The following CDH19 variants were observed in gnomAD, a reference collection of about 807,000 sequenced individuals.
The protein encoded by CDH19 is cadherin-19.
CDH19 carries 67 observed loss-of-function variants against 64.2 expected under a neutral mutation model. The observed-to-expected ratio is 1.04, with a 90% CI of 0.86 to 1.28. The LOEUF (loss-of-function observed/expected upper bound fraction) is 1.28. Ranked by LOEUF, CDH19 falls within the 50% of genes most tolerant of loss-of-function variation. CDH19 has a pLI of 0.00. For missense variants in CDH19, 1,030 were observed against 929.0 expected (o/e 1.11, Z -1.41); for synonymous variants, 346 against 319.3 (o/e 1.08, Z -0.89).
At position 66,544,205 on chromosome 18, in the gene CDH19, T is replaced by G; in HGVS notation, c.980A>C (p.Gln327Pro). The change falls in exon 7 of 12, where the codon CAG (glutamine) becomes CCG (proline). Residue 327 changes from glutamine (Q) to proline (P), a missense_variant. Gln to Pro is a moderately conservative substitution (Grantham distance 76). Transcript: ENST00000262150. ...ILKKKVDFEH[Q>P]NHYGIRAKVK... Reference sequence around the variant, plus strand: ...TTTTGCTCTAATACCGTAGTGGTTCTGGTGCTCAAAATCCACTTTCTGCAA... The same window carrying G: ...TTTTGCTCTAATACCGTAGTGGTTCGGGTGCTCAAAATCCACTTTCTGCAA... 6.2e-7 allele frequency: 1 copy of G among 1,613,040 alleles called. No homozygotes were observed. Among genetic ancestry groups the G allele is most frequent in the Non-Finnish European group, 8.5e-7 (1 of 1,179,524 alleles).
At position 66,541,989 on chromosome 18, in the gene CDH19, A is replaced by C. The variant is rs1986904831; in HGVS notation, c.1214+1982T>G. Among the ~76,000 whole-genome samples the C allele has an allele frequency of 2.6e-5, 4 of 152,242 alleles. No homozygotes were observed. The South Asian group carries it at 8.3e-4, about 32-fold the overall frequency. ...TATGCAGTGGTATTACCTATGCATCACAAGCATCATGAATTATAATTTACT... is the reference window on the plus strand; with the variant it reads ...TATGCAGTGGTATTACCTATGCATCCCAAGCATCATGAATTATAATTTACT... On this transcript the variant is annotated intron_variant, in intron 7 of 11. Transcript: ENST00000262150.
chr18:66,549,708 A>C (rs1236789101), intron 5 of CDH19, among the ~76,000 whole-genome samples: 1 of 152,132 alleles, frequency 6.6e-6, no homozygotes, highest in Non-Finnish European at 1.5e-5. Flanking sequence ...TTTATTGAAA[A>C]ATCAAAAGAT....
rs891329473 is a variant in CDH19, at chr18:66,551,131, A to T, written c.738T>A (p.Leu246=). 6.2e-7 allele frequency: 1 copy of T among 1,605,946 alleles called. No individual in the cohort carries two copies. Among genetic ancestry groups the T allele is most frequent in the African/African-American group, 1.3e-5 (1 of 74,732 alleles). ...TAGGCTTATTGTCATTAACATCTGAAAGTTTAATTAATACACTTGTTGTTC... is the reference window on the plus strand; with the variant it reads ...TAGGCTTATTGTCATTAACATCTGATAGTTTAATTAATACACTTGTTGTTC... ...LSGTTSVLIK[L]SDVNDNKPIF... Residue 246 remains leucine, a synonymous_variant, in exon 5 of 12, where the codon CTT becomes CTA. Coordinates refer to ENST00000262150, the MANE Select transcript of CDH19 (RefSeq NM_021153.4).
intron 1 of CDH19, among the ~76,000 whole-genome samples, chr18:66,598,497 C>T (rs1041438396): frequency 5.9e-5 from 9 of 152,200 alleles, no homozygotes; most frequent in Non-Finnish European, 7.4e-5. Flanking sequence ...CAATGGAATA[C>T]TATACAGCCA....
chr18:66,527,309 T>A (rs1165296259), intron 9 of CDH19, among the ~76,000 whole-genome samples: 3 of 152,048 alleles, frequency 2.0e-5, no homozygotes, highest in African/African-American at 7.2e-5. Flanking sequence ...CCAGGTTGCA[T>A]GTGAAATATA....
chr18:66,509,463 A>T (rs1212164956), intron 10 of CDH19, among the ~76,000 whole-genome samples: 1 of 151,878 alleles, frequency 6.6e-6, no homozygotes, highest in African/African-American at 2.4e-5. Flanking sequence ...CAGATGAATT[A>T]TTTAAATTAT....
chr18:66,543,871 A>G, intron 7 of CDH19, 100 bp downstream of exon 7: 1 of 858,936 alleles, frequency 1.2e-6, no homozygotes, highest in Non-Finnish European at 1.7e-6. Flanking sequence ...AGACAGAGTG[A>G]GACTCCCTCT....
chr18:66,523,830 T>C (rs1312399792), intron 9 of CDH19, among the ~76,000 whole-genome samples: 2 of 143,946 alleles, frequency 1.4e-5, no homozygotes, highest in Non-Finnish European at 3.0e-5. Context: ...AGTCTTCTCC[T>C]GCAATGTTCA....
At chr18:66,567,675 G>A (rs1213702152) in intron 3 of CDH19, among the ~76,000 whole-genome samples, 1 of 151,762 alleles carries the variant, frequency 6.6e-6, no homozygotes, top group African/African-American at 2.4e-5. Flanking sequence ...AATTTAAAAT[G>A]GCCATTATCA....
chr18:66,581,094 A>G (rs964729452), intron 1 of CDH19, among the ~76,000 whole-genome samples: 1 of 152,126 alleles, frequency 6.6e-6, no homozygotes, highest in Non-Finnish European at 1.5e-5. Context: ...AATATGCTAA[A>G]AAATCTACCT....
chr18:66,587,846 C>T (rs1391551960), intron 1 of CDH19, among the ~76,000 whole-genome samples: 2 of 151,984 alleles, frequency 1.3e-5, no homozygotes, highest in South Asian at 2.1e-4. Flanking sequence ...CCTAGCTCCC[C>T]GACTAACAAA....
chr18:66,543,552 A>G (rs1986977093), intron 7 of CDH19, among the ~76,000 whole-genome samples: 1 of 152,136 alleles, frequency 6.6e-6, no homozygotes, highest in Non-Finnish European at 1.5e-5. Context: ...AAATTAATTA[A>G]GACATACAGA....
chr18:66,534,918 G>T, intron 8 of CDH19, 68 bp downstream of exon 8: 1 of 1,072,280 alleles, frequency 9.3e-7, no homozygotes, highest in Non-Finnish European at 1.3e-6. Flanking sequence ...TTGTCCCCAT[G>T]TATAGAAATT....
intron 7 of CDH19, among the ~76,000 whole-genome samples, chr18:66,541,716 T>C (rs1986893656): frequency 6.6e-6 from 1 of 152,096 alleles, no homozygotes; most frequent in African/African-American, 2.4e-5. Context: ...AGAACATCTG[T>C]CAAATCATTA....
chr18:66,533,578 G>T (rs1024640644), intron 8 of CDH19, among the ~76,000 whole-genome samples: 2 of 151,714 alleles, frequency 1.3e-5, no homozygotes, highest in African/African-American at 2.4e-5. Context: ...TAAACCTTTG[G>T]TATTACTGCA....
At chr18:66,580,862 A>G (rs745622460) in intron 1 of CDH19, among the ~76,000 whole-genome samples, 4 of 152,148 alleles carry the variant, frequency 2.6e-5, no homozygotes, top group Non-Finnish European at 5.9e-5. Flanking sequence ...CAAACTTTCT[A>G]TAATGGTCAT....
intron 1 of CDH19, among the ~76,000 whole-genome samples, chr18:66,575,965 A>G (rs913640137): frequency 1.3e-5 from 2 of 151,824 alleles, no homozygotes; most frequent in South Asian, 4.1e-4. Context: ...TAAACCATAT[A>G]TAAAGTGGTA....
intron 1 of CDH19, among the ~76,000 whole-genome samples, chr18:66,599,057 G>T (rs912230791): frequency 6.6e-6 from 1 of 151,750 alleles, no homozygotes; most frequent in Admixed American, 6.6e-5. Flanking sequence ...GTAAAAAATT[G>T]TATCACTTGT....
chr18:66,562,462 T>G (rs1053591967), intron 3 of CDH19, among the ~76,000 whole-genome samples: 1 of 152,006 alleles, frequency 6.6e-6, no homozygotes, highest in African/African-American at 2.4e-5. Context: ...CAGGTGGTAA[T>G]GCAAACCATG....
Sources: gnomAD v4.1 joint callset for allele counts (sites outside exome capture counted in the v4.1 genomes callset) on GRCh38, gnomAD v4.1.1 for gene constraint, MANE v1.5 for transcripts, NCBI Gene and HGNC (gene_info 2026-07-23, HGNC 2026-07-21) for gene names.